Variants in CCDC149 observed in about 807,000 individuals in gnomAD.
CCDC149 encodes the protein coiled-coil domain-containing protein 149.
In CCDC149, 45 loss-of-function variants were observed where a neutral mutation model predicts 59.9. That is an observed-to-expected ratio of 0.75 (90% CI 0.59 to 0.96). The LOEUF is 0.96. Among genes scored for constraint, CCDC149 ranks in the 40% least tolerant of loss-of-function variants. The pLI is 0.00. For synonymous variants in CCDC149, 245 were observed against 260.6 expected, an observed-to-expected ratio of 0.94 and a Z score of 0.58; for missense variants, 584 against 664.7, an observed-to-expected ratio of 0.88 and a Z score of 1.33.
intron 1 of CCDC149, among the ~76,000 whole-genome samples, chr4:24,906,366 T>TTTTATTTTTTTTTTATTTTTTTTATTTTA (rs1721511152): frequency 4.5e-5 from 1 of 22,020 alleles, no homozygotes; most frequent in Admixed American, 5.9e-4. Flanking sequence ...GCGGAACAAA[T>TTTTATTTTTTTTTTATTTTTTTTATTTTA]TTTATTTTAT....
At chr4:24,945,710 C>T (rs1449429580) in intron 1 of CCDC149, among the ~76,000 whole-genome samples, 1 of 151,946 alleles carries the variant, frequency 6.6e-6, no homozygotes, top group Non-Finnish European at 1.5e-5. Flanking sequence ...CAACCTCCGC[C>T]TCCCAGGTTC....
Position 24,837,387 on chromosome 4 carries a change from T to A in CCDC149, c.503A>T (p.Glu168Val), listed in dbSNP as rs1273205252. The change falls in exon 6 of 13, where the codon GAG becomes GTG. Residue 168 changes from glutamate (E) to valine (V), a missense_variant. Coordinates refer to ENST00000635206, the MANE Select transcript of CCDC149 (RefSeq NM_001330643.2). This position sits in a 1 kb window ranked among gnomAD's most constrained non-coding sequence, Gnocchi z 4.3. Reference sequence around the variant, plus strand: ...GTCCACAGAAGCCTGCAGGTCGTGCTCCAGAGACTCAATCTAAAACCACAG... The same window carrying A: ...GTCCACAGAAGCCTGCAGGTCGTGCACCAGAGACTCAATCTAAAACCACAG... 1 of 1,614,006 alleles carries A rather than the reference T, an allele frequency of 6.2e-7. No individual in the cohort carries two copies. Among genetic ancestry groups the A allele is most frequent in the Non-Finnish European group, 8.5e-7 (1 of 1,180,008 alleles).
chr4:24,874,244 G>GTT (rs5856868), intron 2 of CCDC149, among the ~76,000 whole-genome samples: 29 of 87,480 alleles, frequency 3.3e-4, no homozygotes, highest in African/African-American at 1.2e-3. Context: ...TATTAGATTT[G>GTT]TTTTTTTTTT....
chr4:24,810,106 T>C (rs1243028143), intron 12 of CCDC149, among the ~76,000 whole-genome samples: 1 of 152,182 alleles, frequency 6.6e-6, no homozygotes, highest in Non-Finnish European at 1.5e-5. Context: ...CCACATGCAC[T>C]GATCAGTTTC....
At chr4:24,839,059 CACAGAG>C (rs758578549) in intron 4 of CCDC149, among the ~76,000 whole-genome samples, 22 of 118,890 alleles carry the variant, frequency 1.9e-4, no homozygotes, top group East Asian at 1.7e-3. Context: ...CACACACACA[CACAGAG>C]AGAGAGAGAG....
intron 1 of CCDC149, among the ~76,000 whole-genome samples, chr4:24,888,497 T>G (rs541472002): frequency 6.6e-6 from 1 of 152,320 alleles, no homozygotes; most frequent in Non-Finnish European, 1.5e-5. Context: ...ACCACTTCCC[T>G]GCCATCACAG....
chr4:24,954,695 TC>T (rs1265426129), intron 1 of CCDC149, among the ~76,000 whole-genome samples: 1 of 152,126 alleles, frequency 6.6e-6, no homozygotes, highest in African/African-American at 2.4e-5. Flanking sequence ...TGAGGCCCCC[TC>T]CCTAGAAACA....
At chr4:24,883,986 C>T (rs187043451) in intron 1 of CCDC149, among the ~76,000 whole-genome samples, 31 of 152,306 alleles carry the variant, frequency 2.0e-4, no homozygotes, top group African/African-American at 7.2e-4. Flanking sequence ...CAACACATTA[C>T]CTGTGTTGAG....
chr4:24,929,729 G>A (rs1465084904), intron 1 of CCDC149, among the ~76,000 whole-genome samples: 1 of 152,092 alleles, frequency 6.6e-6, no homozygotes, highest in South Asian at 2.1e-4. Flanking sequence ...CACTCACATC[G>A]CAGAATCTTC....
At chr4:24,883,756 A>G (rs1389374529) in intron 1 of CCDC149, among the ~76,000 whole-genome samples, 1 of 152,220 alleles carries the variant, frequency 6.6e-6, no homozygotes, top group Admixed American at 6.5e-5. Context: ...CATCCAGAAC[A>G]CTTTTGCAGA....
intron 1 of CCDC149, among the ~76,000 whole-genome samples, chr4:24,889,220 A>G (rs1720384332): frequency 6.6e-6 from 1 of 152,156 alleles, no homozygotes; most frequent in South Asian, 2.1e-4. Flanking sequence ...CAGTCTCTGC[A>G]TTCTCCACTA....
intron 10 of CCDC149, 53 bp from the exon 11 acceptor site, chr4:24,821,140 T>C: frequency 9.2e-7 from 1 of 1,088,682 alleles, no homozygotes; most frequent in East Asian, 3.2e-5. Context: ...ATAATAGCCA[T>C]TTGAAGTTGC....
At position 24,808,080 on chromosome 4, in the gene CCDC149, G is replaced by C. The variant is rs1401477088; in HGVS notation, c.*309C>G. 1 of 236,616 alleles carries C rather than the reference G, an allele frequency of 4.2e-6. No homozygotes were observed. The highest frequency in any genetic ancestry group is 8.1e-6 in the Non-Finnish European group (1 of 123,936). The allele number at this position is 236,616 out of a possible 1,614,324, so 14.7% of individuals were successfully genotyped here. On this transcript the variant is annotated 3_prime_UTR_variant, in exon 13 of 13. Coordinates refer to ENST00000635206, the MANE Select transcript of CCDC149 (RefSeq NM_001330643.2). ...ACATCTTATCTCTGATAAAACAAAAGCTGACAGAAAGACGGATGCTGAAAA... is the reference window on the plus strand; with the variant it reads ...ACATCTTATCTCTGATAAAACAAAACCTGACAGAAAGACGGATGCTGAAAA...
chr4:24,960,444 T>G (rs1723607050), intron 1 of CCDC149, among the ~76,000 whole-genome samples: 1 of 152,168 alleles, frequency 6.6e-6, no homozygotes, highest in Non-Finnish European at 1.5e-5. Flanking sequence ...ATGTTCTATA[T>G]ATCCCAAATA....
chr4:24,860,320 G>A (rs1718296301), intron 3 of CCDC149, among the ~76,000 whole-genome samples: 1 of 152,014 alleles, frequency 6.6e-6, no homozygotes, highest in African/African-American at 2.4e-5. Context: ...CTTCAACAAA[G>A]AAAACAAAAA....
intron 1 of CCDC149, among the ~76,000 whole-genome samples, chr4:24,969,751 G>T (rs1343727420): frequency 6.6e-6 from 1 of 152,176 alleles, no homozygotes; most frequent in African/African-American, 2.4e-5. Flanking sequence ...TAACCTGCTG[G>T]TGGCTGCTCC....
intron 4 of CCDC149, among the ~76,000 whole-genome samples, chr4:24,847,511 C>CCTTTGATGTGTCCTCAGCTG (rs1717377888): frequency 6.6e-6 from 1 of 152,150 alleles, no homozygotes; most frequent in East Asian, 1.9e-4. Context: ...TCTTTCTTAT[C>CCTTTGATGTGTCCTCAGCTG]CTTTGATGTG....
chr4:24,874,509 G>A (rs760895418), intron 2 of CCDC149, among the ~76,000 whole-genome samples: 3 of 151,992 alleles, frequency 2.0e-5, no homozygotes, highest in Non-Finnish European at 2.9e-5. Flanking sequence ...TTGTACCCAG[G>A]AGGCAGAGGT....
intron 4 of CCDC149, among the ~76,000 whole-genome samples, chr4:24,841,094 C>T (rs1716906114): frequency 6.6e-6 from 1 of 152,142 alleles, no homozygotes; most frequent in Non-Finnish European, 1.5e-5. Context: ...AAAGTGGATA[C>T]ACAGGAAGGC....
Sources: allele counts gnomAD v4.1 joint callset (sites outside exome capture counted in the v4.1 genomes callset), GRCh38; gene constraint gnomAD v4.1.1; non-coding constraint Gnocchi (gnomAD v3.1); transcripts MANE v1.5; gene names NCBI Gene and HGNC (gene_info 2026-07-23, HGNC 2026-07-21).